The following CELF2 variants were observed in gnomAD, a reference collection of about 807,000 sequenced individuals.
CELF2 encodes CUG triplet repeat RNA-binding protein 2.
In CELF2, 8 loss-of-function variants were observed where a neutral mutation model predicts 62.6. That is an observed-to-expected ratio of 0.13 (90% CI 0.07 to 0.23). The LOEUF (loss-of-function observed/expected upper bound fraction) is 0.23. CELF2 is among the 10% of genes least tolerant of loss of function. The pLI is 1.00. For synonymous variants in CELF2, 258 were observed against 250.0 expected, an observed-to-expected ratio of 1.03 and a Z score of -0.30; for missense variants, 333 against 671.0, an observed-to-expected ratio of 0.50 and a Z score of 5.56.
the CELF2 span, among the ~76,000 whole-genome samples, chr10:10,612,160 T>C: frequency 1.3e-5 from 2 of 152,152 alleles, no homozygotes; most frequent in African/African-American, 4.8e-5. Context: ...GTCAGTATTA[T>C]TTCCACTGGG....
chr10:11,234,850 A>G (rs2136562078), intron 3 of CELF2, among the ~76,000 whole-genome samples: 1 of 152,258 alleles, frequency 6.6e-6, no homozygotes, highest in South Asian at 2.1e-4. Context: ...CAGAGTTAAA[A>G]AGGCACTTTT....
At position 11,135,918 on chromosome 10, in the gene CELF2, G is replaced by A. The variant is rs11814180; in HGVS notation, c.75-29568G>A. On this transcript the variant is annotated intron_variant, in intron 1 of 12. Coordinates refer to ENST00000633077, the MANE Select transcript of CELF2 (RefSeq NM_001326342.2). The stretch of plus-strand genomic sequence containing the variant: ...GACCTGCTGAATCAGACTCTCTGGG[G>A]TGGAGCCTAGGATTGGCAGTTGGAC... Among the ~76,000 whole-genome samples the A allele has an allele frequency of 2.2e-3, 337 of 152,290 alleles. 3 individuals are homozygous for A. Among genetic ancestry groups the A allele is most frequent in the African/African-American group, 7.7e-3 (320 of 41,552 alleles).
the CELF2 span, among the ~76,000 whole-genome samples, chr10:10,517,390 C>A: frequency 0.089 from 13,566 of 152,102 alleles, 718 homozygotes; most frequent in Middle Eastern, 0.19. Context: ...ATTCTGATTA[C>A]AAGGGAGGAA....
chr10:11,225,701 G>T (rs1454875135), intron 3 of CELF2, among the ~76,000 whole-genome samples: 1 of 152,172 alleles, frequency 6.6e-6, no homozygotes, highest in East Asian at 1.9e-4. Context: ...TTATTTCCTT[G>T]TGTACAGCCC....
the CELF2 span, among the ~76,000 whole-genome samples, chr10:10,713,366 G>A: frequency 1.3e-5 from 2 of 152,302 alleles, no homozygotes; most frequent in African/African-American, 4.8e-5. Context: ...TGTCCCCAGA[G>A]CCTAGAACAG....
chr10:10,518,932 T>C, the CELF2 span, among the ~76,000 whole-genome samples: 3 of 152,100 alleles, frequency 2.0e-5, no homozygotes, highest in Admixed American at 6.5e-5. Context: ...AGACAACAAT[T>C]TGTCAGGACT....
At chr10:11,206,949 T>C (rs981893083) in intron 2 of CELF2, among the ~76,000 whole-genome samples, 1 of 152,210 alleles carries the variant, frequency 6.6e-6, no homozygotes, top group Admixed American at 6.5e-5. Flanking sequence ...GTGAAACAGC[T>C]GAACACGATG....
chr10:10,978,917 C>T (rs2051702237), intron 2 of CELF2, among the ~76,000 whole-genome samples: 1 of 152,152 alleles, frequency 6.6e-6, no homozygotes, highest in Non-Finnish European at 1.5e-5. Flanking sequence ...AAGTTAATAG[C>T]TAGAGAATTT....
At chr10:10,617,425 ACAGCTCAGGTT>A in the CELF2 span, among the ~76,000 whole-genome samples, 1 of 152,176 alleles carries the variant, frequency 6.6e-6, no homozygotes, top group Non-Finnish European at 1.5e-5. Context: ...CCTAAGGTTC[ACAGCTCAGGTT>A]CAGCAAAGGA....
At chr10:10,718,623 CAAAAA>C in the CELF2 span, among the ~76,000 whole-genome samples, 8 of 83,826 alleles carry the variant, frequency 9.5e-5, no homozygotes, top group East Asian at 2.4e-3. Context: ...GACTCCGTCT[CAAAAA>C]AAAAAAAAAA....
intron 1 of CELF2, among the ~76,000 whole-genome samples, chr10:10,837,457 GACTAAT>G (rs1314050060): frequency 2.6e-5 from 4 of 152,122 alleles, no homozygotes; most frequent in Non-Finnish European, 5.9e-5. Flanking sequence ...TGTGAAAACA[GACTAAT>G]ACAACTGCTG....
At chr10:11,082,099 A>AGG (rs1339042628) in intron 1 of CELF2, among the ~76,000 whole-genome samples, 1 of 152,034 alleles carries the variant, frequency 6.6e-6, no homozygotes, top group Non-Finnish European at 1.5e-5. Context: ...TTGGACCCAG[A>AGG]GTCCTGTGGA....
At chr10:11,001,549 T>C (rs2137000752), upstream of CELF2, among the ~76,000 whole-genome samples, 1 of 152,350 alleles carries the variant, frequency 6.6e-6, no homozygotes, top group Admixed American at 6.5e-5. Flanking sequence ...AATGCACCTA[T>C]AATTTCACCT....
chr10:11,052,751 T>C (rs759702645), intron 1 of CELF2, among the ~76,000 whole-genome samples: 3 of 152,202 alleles, frequency 2.0e-5, no homozygotes, highest in Non-Finnish European at 4.4e-5. Flanking sequence ...AAGCAGTAAC[T>C]CTGCAAGTAG....
chr10:10,563,184 G>A, the CELF2 span, among the ~76,000 whole-genome samples: 1 of 152,072 alleles, frequency 6.6e-6, no homozygotes, highest in African/African-American at 2.4e-5. Flanking sequence ...CCAAATTTCA[G>A]CCCTCGTTTT....
chr10:10,747,862 A>G, the CELF2 span, among the ~76,000 whole-genome samples: 1 of 152,100 alleles, frequency 6.6e-6, no homozygotes, highest in Admixed American at 6.5e-5. Flanking sequence ...ATGTGCCACC[A>G]CGCCTGGCTA....
At chr10:10,532,422 A>G in the CELF2 span, among the ~76,000 whole-genome samples, 501 of 152,340 alleles carry the variant, frequency 3.3e-3, 2 homozygotes, top group Middle Eastern at 0.017. Context: ...CCTGGGAAAC[A>G]TGGAGTTCTC....
chr10:10,945,419 C>T (rs2047550606), intron 2 of CELF2, among the ~76,000 whole-genome samples: 2 of 152,172 alleles, frequency 1.3e-5, no homozygotes, highest in Non-Finnish European at 2.9e-5. Flanking sequence ...AGGGAAGTGA[C>T]AAGCCCCACC....
the CELF2 span, among the ~76,000 whole-genome samples, chr10:10,674,769 A>T: frequency 6.6e-6 from 1 of 151,830 alleles, no homozygotes; most frequent in African/African-American, 2.4e-5. Context: ...TCTTTCAAAT[A>T]ACACTGTGCC....
Sources: gnomAD v4.1 joint callset for allele counts (sites outside exome capture counted in the v4.1 genomes callset) on GRCh38, gnomAD v4.1.1 for gene constraint, MANE v1.5 for transcripts, NCBI Gene and HGNC (gene_info 2026-07-23, HGNC 2026-07-21) for gene names.